Variants in SOS1 observed in about 807,000 individuals in gnomAD.
The protein encoded by SOS1 is SOS Ras/Rac guanine nucleotide exchange factor 1.
SOS1 carries 25 observed loss-of-function variants against 157.6 expected under a neutral mutation model. That is an observed-to-expected ratio of 0.16 (90% CI 0.12 to 0.22). The LOEUF is 0.22. Ranked by LOEUF, SOS1 falls within the 10% of genes least tolerant of loss-of-function variation. SOS1 has a pLI of 1.00. For synonymous variants in SOS1, 528 were observed against 534.0 expected (o/e 0.99, Z 0.16); for missense variants, 1,237 against 1,599.1 (o/e 0.77, Z 3.86).
At chr2:38,990,765 T>C (rs1172575843) in intron 20 of SOS1, among the ~76,000 whole-genome samples, 1 of 152,168 alleles carries the variant, frequency 6.6e-6, no homozygotes, top group Non-Finnish European at 1.5e-5. Flanking sequence ...TTTGAGTATA[T>C]TTATATATAG....
intron 10 of SOS1, 157 bp downstream of exon 10, chr2:39,022,413 C>T (rs1669826688): frequency 3.1e-6 from 2 of 648,304 alleles, no homozygotes; most frequent in Non-Finnish European, 5.5e-6. Flanking sequence ...AAAAGTAAAA[C>T]ATTCCAAAGA....
intron 19 of SOS1, 49 bp from the exon 20 acceptor site, chr2:38,995,436 A>G (rs1482375676): frequency 6.6e-7 from 1 of 1,520,810 alleles, no homozygotes; most frequent in Admixed American, 1.7e-5. Context: ...TGTAGTAGAA[A>G]GGAAAGTTTT....
chr2:39,040,098 G>C (rs1283604502), intron 6 of SOS1, among the ~76,000 whole-genome samples: 1 of 151,666 alleles, frequency 6.6e-6, no homozygotes, highest in Non-Finnish European at 1.5e-5. Context: ...TGCAAGCTCC[G>C]CCTCCCAGGT....
At position 38,995,364 on chromosome 2, in the gene SOS1, T is replaced by G. The variant is rs749104275; in HGVS notation, c.3105A>C (p.Leu1035=). 10 of 1,613,452 alleles carry G rather than the reference T, an allele frequency of 6.2e-6. No homozygotes were observed. The highest frequency in any genetic ancestry group is 8.5e-6 in the Non-Finnish European group (10 of 1,179,608). The part of the protein sequence containing the change: ...PRFPKKYSYP[L]KSPGVRPSNP... The stretch of plus-strand genomic sequence containing the variant: ...TTGATGGACGAACACCAGGAGATTT[T>G]AGGGGATAGCTATATTTTTTTGGCT... The change falls in exon 20 of 23, where the codon CTA becomes CTC. Residue 1035 remains leucine (L), a synonymous_variant. Transcript: ENST00000402219.
chr2:39,099,677 G>GAAAC (rs1422272802), intron 1 of SOS1, among the ~76,000 whole-genome samples: 2 of 152,134 alleles, frequency 1.3e-5, no homozygotes, highest in African/African-American at 4.8e-5. Flanking sequence ...CACAGCAAAG[G>GAAAC]AAACAATCAA....
At chr2:39,045,089 A>C (rs1670716840) in intron 6 of SOS1, among the ~76,000 whole-genome samples, 2 of 152,218 alleles carry the variant, frequency 1.3e-5, no homozygotes, top group South Asian at 4.1e-4. Flanking sequence ...ACCCTGATGT[A>C]ATGTATTGTA....
intron 1 of SOS1, among the ~76,000 whole-genome samples, chr2:39,107,061 A>G (rs1304579081): frequency 6.6e-6 from 1 of 152,190 alleles, no homozygotes; most frequent in Non-Finnish European, 1.5e-5. Flanking sequence ...CTGACTTTTA[A>G]GAATTCACCT....
chr2:39,072,931 G>A (rs1488586265), intron 1 of SOS1, among the ~76,000 whole-genome samples: 5 of 152,074 alleles, frequency 3.3e-5, no homozygotes, highest in African/African-American at 7.2e-5. Context: ...TACTTAAAAC[G>A]CAAGCAGAGT....
chr2:39,032,677 C>A (rs1291840648), intron 8 of SOS1, among the ~76,000 whole-genome samples: 1 of 152,082 alleles, frequency 6.6e-6, no homozygotes, highest in Non-Finnish European at 1.5e-5. Context: ...GGAAGGAACT[C>A]ACTCTGGGCA....
chr2:39,050,456 G>A (rs1670968505), intron 6 of SOS1, among the ~76,000 whole-genome samples: 1 of 152,270 alleles, frequency 6.6e-6, no homozygotes, highest in African/African-American at 2.4e-5. Context: ...AAATATTTCA[G>A]ATAGGTTATT....
intron 6 of SOS1, among the ~76,000 whole-genome samples, chr2:39,050,622 C>T (rs758084445): frequency 6.6e-6 from 1 of 152,112 alleles, no homozygotes; most frequent in African/African-American, 2.4e-5. Flanking sequence ...ATGAGCATTT[C>T]CTTTGAGCAT....
chr2:38,991,994 T>G (rs901817811), intron 20 of SOS1, among the ~76,000 whole-genome samples: 6 of 152,260 alleles, frequency 3.9e-5, no homozygotes, highest in African/African-American at 1.4e-4. Flanking sequence ...CTCTGCCTTT[T>G]GAAAAACTTA....
intron 1 of SOS1, among the ~76,000 whole-genome samples, chr2:39,089,383 T>G (rs960797604): frequency 2.0e-5 from 3 of 151,732 alleles, no homozygotes; most frequent in Non-Finnish European, 4.4e-5. Flanking sequence ...ATACAAAAAA[T>G]TAGCCAGGCA....
intron 6 of SOS1, among the ~76,000 whole-genome samples, chr2:39,047,340 A>G (rs1670826972): frequency 6.6e-6 from 1 of 152,186 alleles, no homozygotes; most frequent in Non-Finnish European, 1.5e-5. Context: ...TATGTCTTTC[A>G]GTCAACATAA....
chr2:39,081,659 T>C (rs953998790), intron 1 of SOS1, among the ~76,000 whole-genome samples: 10 of 151,768 alleles, frequency 6.6e-5, no homozygotes, highest in Admixed American at 1.3e-4. Flanking sequence ...ACGCCGTCTC[T>C]ACTAAAAATA....
chr2:39,064,913 A>G (rs1452043202), intron 2 of SOS1, among the ~76,000 whole-genome samples: 3 of 149,586 alleles, frequency 2.0e-5, no homozygotes, highest in Admixed American at 1.3e-4. Flanking sequence ...ATGCCCAGCT[A>G]ATTTTTTTGT....
chr2:39,096,916 T>C (rs1229696826), intron 1 of SOS1, among the ~76,000 whole-genome samples: 4 of 151,804 alleles, frequency 2.6e-5, no homozygotes, highest in Non-Finnish European at 5.9e-5. Flanking sequence ...CTGAAATACA[T>C]ATTTACTTTT....
chr2:38,987,809 A>G (rs1367623804), intron 21 of SOS1: 1 of 507,884 alleles, frequency 2.0e-6, no homozygotes, highest in East Asian at 3.6e-5. Context: ...AAAGCTGCCT[A>G]AGGTATTCTG....
chr2:39,045,273 A>AGAGAGAGTGTGT lies in SOS1; in HGVS notation c.864+5870_864+5871insACACACTCTCTC, dbSNP rs138343013. ...GAGAGAGAGAGAGAGAGAGAGAGAG[A>AGAGAGAGTGTGT]GTGTGTGTGTGTGTGTGTGTGTGTG... On this transcript the variant is annotated intron_variant, in intron 6 of 22. Coordinates refer to ENST00000402219, the MANE Select transcript of SOS1 (RefSeq NM_005633.4). Among the ~76,000 whole-genome samples the AGAGAGAGTGTGT allele has an allele frequency of 3.8e-3, 408 of 108,064 alleles. 3 individuals are homozygous for AGAGAGAGTGTGT. Among genetic ancestry groups the AGAGAGAGTGTGT allele is most frequent in the Non-Finnish European group, 5.3e-3 (276 of 51,952 alleles). The allele number at this position is 108,064 out of a possible 152,430, so 70.9% of individuals were successfully genotyped here. A position where few individuals can be genotyped will look rare whatever the true frequency, so the allele number is the denominator to read the frequency against.
Sources: allele counts gnomAD v4.1 joint callset (sites outside exome capture counted in the v4.1 genomes callset), GRCh38; gene constraint gnomAD v4.1.1; transcripts MANE v1.5; gene names NCBI Gene and HGNC (gene_info 2026-07-23, HGNC 2026-07-21).